TLN2: variants seen among roughly 807,000 people sequenced by gnomAD.
TLN2 encodes the protein talin-2.
A neutral mutation model predicts 294.7 loss-of-function variants in TLN2; 118 were observed. That is an observed-to-expected ratio of 0.40 (90% CI 0.34 to 0.47). The LOEUF (loss-of-function observed/expected upper bound fraction) is 0.47. Among genes scored for constraint, TLN2 ranks in the 20% least tolerant of loss-of-function variants. The pLI, the probability that TLN2 is intolerant of heterozygous loss-of-function variation, is 0.84. For synonymous variants in TLN2, 1,431 were observed against 1,304.5 expected, an observed-to-expected ratio of 1.10 and a Z score of -2.09; for missense variants, 3,083 against 3,282.2, an observed-to-expected ratio of 0.94 and a Z score of 1.48.
intron 19 of TLN2, among the ~76,000 whole-genome samples, chr15:62,704,009 A>G (rs907451038): frequency 6.6e-6 from 1 of 152,224 alleles, no homozygotes; most frequent in South Asian, 2.1e-4. Context: ...ATATATAAAT[A>G]TATCCTAATT....
At chr15:62,535,741 G>C (rs145609639) in intron 1 of TLN2, among the ~76,000 whole-genome samples, 1,534 of 152,184 alleles carry the variant, frequency 0.01, 14 homozygotes, top group Non-Finnish European at 0.016. Context: ...ATTTAGTAGA[G>C]ACGGGGTTTC....
At chr15:62,505,356 TAC>T (rs1266122007) in intron 1 of TLN2, among the ~76,000 whole-genome samples, 2 of 152,250 alleles carry the variant, frequency 1.3e-5, no homozygotes, top group African/African-American at 4.8e-5. Flanking sequence ...TACTTTAGCT[TAC>T]ACACTGTGCT....
At chr15:62,750,329 T>C in intron 33 of TLN2, 73 bp from the exon 34 acceptor site, 1 of 1,219,846 alleles carries the variant, frequency 8.2e-7, no homozygotes, top group Non-Finnish European at 1.2e-6. Flanking sequence ...GAGTTGATAG[T>C]TGGCAGTTGA....
rs185350488 is a variant in TLN2, at chr15:62,434,449, T to A, written c.-238+43764T>A. On this transcript the variant is annotated intron_variant, in intron 1 of 58. Coordinates refer to ENST00000636159, the MANE Select transcript of TLN2 (RefSeq NM_015059.3). ...CCTATTGACATTTGGGTCTTTTTTT[T>A]ATCTTTTGCTGATGTGTGTGCACTC... 1.0e-3 allele frequency among the ~76,000 whole-genome samples: 152 copies of A among 152,368 alleles called. No homozygotes were observed. The Middle Eastern group carries it at 0.01, about 10-fold the overall frequency.
chr15:62,836,719 A>C (rs1318977351), intron 57 of TLN2, among the ~76,000 whole-genome samples: 1 of 152,184 alleles, frequency 6.6e-6, no homozygotes, highest in Non-Finnish European at 1.5e-5. Context: ...AATATTTTAA[A>C]TACAATAAAA....
intron 5 of TLN2, among the ~76,000 whole-genome samples, chr15:62,651,087 TA>T: frequency 6.6e-6 from 1 of 152,328 alleles, no homozygotes; most frequent in South Asian, 2.1e-4. Context: ...ATGCAAATAG[TA>T]AAGACATAGA....
intron 45 of TLN2, among the ~76,000 whole-genome samples, chr15:62,791,121 C>T (rs1037484566): frequency 4.6e-5 from 7 of 151,576 alleles, no homozygotes; most frequent in Non-Finnish European, 7.4e-5. Context: ...TTGAGGTGGA[C>T]GGATCACCTG....
chr15:62,549,984 C>T (rs567532695), intron 1 of TLN2, among the ~76,000 whole-genome samples: 13 of 152,300 alleles, frequency 8.5e-5, no homozygotes, highest in Admixed American at 7.2e-4. Flanking sequence ...CTTTAATCTA[C>T]ACTTTCTAGC....
Position 62,702,774 on chromosome 15 carries a change from G to C in TLN2, c.1914G>C (p.Gln638His). Residue 638 changes from glutamine (Q) to histidine (H), a missense_variant, in exon 19 of 59, where the codon CAG (glutamine) becomes CAC (histidine). Transcript: ENST00000636159. Reference sequence around the variant, plus strand: ...GTGTTGTTTGTTCACAGCCTCGACAGACAGTTTTGACTGCTGCTGGCAGCA... The same window carrying C: ...GTGTTGTTTGTTCACAGCCTCGACACACAGTTTTGACTGCTGCTGGCAGCA... The part of the protein sequence containing the change: ...AVQPTSGEPR[Q>H]TVLTAAGSIG... 1.2e-6 allele frequency: 2 copies of C among 1,614,182 alleles called. No individual in the cohort carries two copies. The highest frequency in any genetic ancestry group is 1.7e-6 in the Non-Finnish European group (2 of 1,180,006).
intron 11 of TLN2, among the ~76,000 whole-genome samples, chr15:62,685,036 GT>G (rs1473927527): frequency 6.6e-6 from 1 of 151,254 alleles, no homozygotes; most frequent in Non-Finnish European, 1.5e-5. Flanking sequence ...AGTTGAAAAG[GT>G]TTTCCTGACA....
At chr15:62,670,009 G>A (rs553916640) in intron 9 of TLN2, among the ~76,000 whole-genome samples, 21 of 152,294 alleles carry the variant, frequency 1.4e-4, no homozygotes, top group African/African-American at 4.8e-4. Flanking sequence ...GGATGGGCTG[G>A]TTTGGCGGAG....
chr15:62,697,442 C>T (rs2058425064), intron 14 of TLN2, among the ~76,000 whole-genome samples: 1 of 152,112 alleles, frequency 6.6e-6, no homozygotes, highest in Admixed American at 6.6e-5. Context: ...TGCATAATAC[C>T]ATAAATCTAT....
intron 52 of TLN2, among the ~76,000 whole-genome samples, chr15:62,815,869 T>C (rs1269430459): frequency 2.0e-5 from 3 of 152,242 alleles, no homozygotes. Context: ...TTGTATCTGT[T>C]CCCACTCCTA....
intron 1 of TLN2, among the ~76,000 whole-genome samples, chr15:62,552,845 G>C (rs1158261048): frequency 6.6e-6 from 1 of 152,144 alleles, no homozygotes; most frequent in African/African-American, 2.4e-5. Context: ...ACATAACCTT[G>C]TATTTCCCCT....
intron 44 of TLN2, among the ~76,000 whole-genome samples, chr15:62,782,138 G>GCTGT (rs1156928884): frequency 6.6e-6 from 1 of 152,224 alleles, no homozygotes; most frequent in Admixed American, 6.5e-5. Context: ...CCACATGGTT[G>GCTGT]CTGTGCCCAG....
At position 62,673,957 on chromosome 15, in the gene TLN2, G is replaced by A. The variant is rs984136916; in HGVS notation, c.852+67G>A. On this transcript the variant is annotated intron_variant, in intron 10 of 58. Transcript: ENST00000636159. The stretch of plus-strand genomic sequence containing the variant: ...CATCCTCATTTATTAGTGTGAGGGG[G>A]CCTCTGCGCATGGTAGTTTTATACC... 4.7e-6 allele frequency: 6 copies of A among 1,284,912 alleles called. No homozygotes were observed. The Admixed American group carries it at 7.2e-5, about 15-fold the overall frequency. 79.6% of individuals were successfully genotyped at this position (1,284,912 alleles called of 1,614,324 possible).
At chr15:62,404,299 G>A (rs2033240256) in intron 1 of TLN2, among the ~76,000 whole-genome samples, 3 of 152,156 alleles carry the variant, frequency 2.0e-5, no homozygotes, top group Admixed American at 2.0e-4. Flanking sequence ...CTCTGAAGGG[G>A]GTACTTAAGC....
chr15:62,668,315 A>G (rs1410922505), intron 9 of TLN2, among the ~76,000 whole-genome samples: 1 of 152,254 alleles, frequency 6.6e-6, no homozygotes, highest in African/African-American at 2.4e-5. Flanking sequence ...ATTATATGAA[A>G]ACATCACGTT....
At chr15:62,582,219 CA>C (rs2045137692) in intron 1 of TLN2, among the ~76,000 whole-genome samples, 2 of 135,312 alleles carry the variant, frequency 1.5e-5, no homozygotes, top group Admixed American at 1.5e-4. Context: ...CACACACACA[CA>C]CACACACACA....
Sources: gnomAD v4.1 joint callset for allele counts (sites outside exome capture counted in the v4.1 genomes callset) on GRCh38, gnomAD v4.1.1 for gene constraint, MANE v1.5 for transcripts, NCBI Gene and HGNC (gene_info 2026-07-23, HGNC 2026-07-21) for gene names.